Variants in MAPK4 observed in about 807,000 individuals in gnomAD.
MAPK4 encodes Erk3-related.
A neutral mutation model predicts 47.7 loss-of-function variants in MAPK4; 22 were observed. The ratio of observed to expected loss-of-function variants is 0.46; its 90% CI spans 0.33 to 0.66. The LOEUF (loss-of-function observed/expected upper bound fraction) is 0.66, where lower values mean the gene tolerates loss of function less well. Among genes scored for constraint, MAPK4 ranks in the 30% least tolerant of loss-of-function variants. The pLI is 0.02. For missense variants in MAPK4, 736 were observed against 831.7 expected, an observed-to-expected ratio of 0.88 and a Z score of 1.42; for synonymous variants, 390 against 365.7, an observed-to-expected ratio of 1.07 and a Z score of -0.76.
intron 1 of MAPK4, among the ~76,000 whole-genome samples, chr18:50,562,340 A>G (rs1446921349): frequency 6.6e-6 from 1 of 151,940 alleles, no homozygotes; most frequent in African/African-American, 2.4e-5. Flanking sequence ...TGCCTCTTAC[A>G]AACCCTGGCT....
intron 1 of MAPK4, among the ~76,000 whole-genome samples, chr18:50,610,213 C>T (rs756240608): frequency 3.9e-5 from 6 of 152,258 alleles, no homozygotes; most frequent in South Asian, 2.1e-4. Flanking sequence ...AGGAAGCAGC[C>T]GCCACCCCCA....
chr18:50,672,105 G>T (rs1231039137), intron 2 of MAPK4, among the ~76,000 whole-genome samples: 1 of 152,166 alleles, frequency 6.6e-6, no homozygotes, highest in African/African-American at 2.4e-5. Context: ...TTTAGTGTCT[G>T]TGTGTTTATA....
At chr18:50,609,157 T>A (rs964803293) in intron 1 of MAPK4, among the ~76,000 whole-genome samples, 1 of 152,024 alleles carries the variant, frequency 6.6e-6, no homozygotes, top group African/African-American at 2.4e-5. Flanking sequence ...TTTCTCTATC[T>A]TTTCCCCACA....
chr18:50,706,320 T>C (rs529595249), intron 2 of MAPK4, among the ~76,000 whole-genome samples: 2 of 152,194 alleles, frequency 1.3e-5, no homozygotes, highest in African/African-American at 4.8e-5. Context: ...CCTCTAGAGA[T>C]GCTGGTTCTC....
At chr18:50,656,463 A>G (rs1442381188) in intron 1 of MAPK4, among the ~76,000 whole-genome samples, 2 of 152,234 alleles carry the variant, frequency 1.3e-5, no homozygotes, top group African/African-American at 2.4e-5. Context: ...AAAAGCGAAC[A>G]GGAGAGAGTG....
chr18:50,574,162 ATAGT>A (rs763192192), intron 1 of MAPK4, among the ~76,000 whole-genome samples: 1 of 152,152 alleles, frequency 6.6e-6, no homozygotes, highest in Non-Finnish European at 1.5e-5. Context: ...GTCTTGAATC[ATAGT>A]TAGATGATTG....
chr18:50,627,196 G>A (rs977925160), intron 1 of MAPK4, among the ~76,000 whole-genome samples: 3 of 152,142 alleles, frequency 2.0e-5, no homozygotes, highest in Non-Finnish European at 2.9e-5. Context: ...CTTGGGGAAT[G>A]GCTTGGGTGT....
chr18:50,695,727 G>A (rs1241051836), intron 2 of MAPK4, among the ~76,000 whole-genome samples: 2 of 152,180 alleles, frequency 1.3e-5, no homozygotes, highest in Non-Finnish European at 2.9e-5. Flanking sequence ...GGGAGCACCT[G>A]AGAAATAAGG....
chr18:50,687,663 C>T (rs1908960033), intron 2 of MAPK4, among the ~76,000 whole-genome samples: 1 of 152,152 alleles, frequency 6.6e-6, no homozygotes, highest in Non-Finnish European at 1.5e-5. Flanking sequence ...GTCTGAAGTG[C>T]CCACTCCCAG....
At chr18:50,656,863 T>A (rs1014488121) in intron 1 of MAPK4, among the ~76,000 whole-genome samples, 1 of 152,210 alleles carries the variant, frequency 6.6e-6, no homozygotes, top group African/African-American at 2.4e-5. Flanking sequence ...AACCGTGTGC[T>A]GAGCAAGTTA....
intron 1 of MAPK4, among the ~76,000 whole-genome samples, chr18:50,561,190 C>T (rs980798791): frequency 6.6e-6 from 1 of 152,246 alleles, no homozygotes; most frequent in African/African-American, 2.4e-5. Context: ...CGCGCCTCTC[C>T]AGCACTCTCG....
intron 2 of MAPK4, among the ~76,000 whole-genome samples, chr18:50,691,107 C>A (rs988760107): frequency 6.6e-6 from 1 of 152,160 alleles, no homozygotes; most frequent in Non-Finnish European, 1.5e-5. Context: ...ATCCTCCCAC[C>A]TCAGCCTCCC....
intron 1 of MAPK4, among the ~76,000 whole-genome samples, chr18:50,642,870 G>T (rs927069161): frequency 6.6e-6 from 1 of 152,186 alleles, no homozygotes; most frequent in Admixed American, 6.5e-5. Flanking sequence ...CTCCCAAAAC[G>T]CTGGGATTAT....
chr18:50,620,668 G>A (rs1411307526), intron 1 of MAPK4, among the ~76,000 whole-genome samples: 1 of 152,126 alleles, frequency 6.6e-6, no homozygotes, highest in Non-Finnish European at 1.5e-5. Context: ...ACTTTGGGAG[G>A]CCGAGGTGGG....
In MAPK4 at chr18:50,609,455, C is replaced by A. The variant is rs191426115; in HGVS notation, c.-871+49212C>A. Among the ~76,000 whole-genome samples the A allele has an allele frequency of 5.3e-5, 8 of 152,110 alleles. No individual in the cohort carries two copies. In the East Asian group the frequency reaches 1.4e-3, roughly 26 times the overall value. On this transcript the variant is annotated intron_variant, in intron 1 of 5. Coordinates refer to ENST00000400384, the MANE Select transcript of MAPK4 (RefSeq NM_002747.4). The stretch of plus-strand genomic sequence containing the variant: ...TCTTCTTGGGCTGGGGAAACTGAGG[C>A]TCATGTAGGTAAAGTGACTTGCCAG...
At chr18:50,649,034 C>T (rs550099969) in intron 1 of MAPK4, among the ~76,000 whole-genome samples, 8 of 152,320 alleles carry the variant, frequency 5.3e-5, no homozygotes, top group African/African-American at 1.9e-4. Flanking sequence ...CTCTCAAAGG[C>T]GATTTGTTTT....
intron 1 of MAPK4, among the ~76,000 whole-genome samples, chr18:50,593,782 G>GA (rs1436133538): frequency 6.6e-6 from 1 of 152,160 alleles, no homozygotes; most frequent in Non-Finnish European, 1.5e-5. Context: ...TATTGCAAAA[G>GA]AAAAATGTTA....
At chr18:50,589,026 C>T (rs2042412438) in intron 1 of MAPK4, among the ~76,000 whole-genome samples, 1 of 152,176 alleles carries the variant, frequency 6.6e-6, no homozygotes, top group Admixed American at 6.5e-5. Context: ...AAAGAAGACC[C>T]TGTTAAACCC....
chr18:50,601,395 T>A (rs974333357), intron 1 of MAPK4, among the ~76,000 whole-genome samples: 1 of 151,222 alleles, frequency 6.6e-6, no homozygotes, highest in Non-Finnish European at 1.5e-5. Flanking sequence ...TTTGTCCTAG[T>A]GTGAAAATTG....
Sources: allele counts gnomAD v4.1 joint callset (sites outside exome capture counted in the v4.1 genomes callset), GRCh38; gene constraint gnomAD v4.1.1; transcripts MANE v1.5; gene names NCBI Gene and HGNC (gene_info 2026-07-23, HGNC 2026-07-21).